PDZRN4: variants seen among roughly 807,000 people sequenced by gnomAD.
PDZRN4 encodes the protein PDZ domain-containing RING finger protein 4.
A neutral mutation model predicts 99.0 loss-of-function variants in PDZRN4; 70 were observed. The observed-to-expected ratio is 0.71, with a 90% CI of 0.58 to 0.86. PDZRN4 has a LOEUF of 0.86. Ranked by LOEUF, PDZRN4 falls within the 40% of genes least tolerant of loss-of-function variation. The pLI, the probability that PDZRN4 is intolerant of heterozygous loss-of-function variation, is 0.00. For synonymous variants in PDZRN4, 551 were observed against 501.6 expected, an observed-to-expected ratio of 1.10 and a Z score of -1.32; for missense variants, 1,474 against 1,331.2, an observed-to-expected ratio of 1.11 and a Z score of -1.67.
At chr12:41,383,145 A>G (rs891614273) in intron 3 of PDZRN4, among the ~76,000 whole-genome samples, 6 of 152,178 alleles carry the variant, frequency 3.9e-5, no homozygotes, top group African/African-American at 1.2e-4. Flanking sequence ...AGGCCAGTGA[A>G]ATAGGACCTT....
chr12:41,279,313 T>C (rs1951368902), intron 3 of PDZRN4, among the ~76,000 whole-genome samples: 1 of 152,198 alleles, frequency 6.6e-6, no homozygotes, highest in Non-Finnish European at 1.5e-5. Context: ...GAAAATAAAA[T>C]TGTCAAAATA....
intron 3 of PDZRN4, among the ~76,000 whole-genome samples, chr12:41,435,541 C>T (rs1476815989): frequency 6.6e-6 from 1 of 152,206 alleles, no homozygotes; most frequent in Admixed American, 6.5e-5. Context: ...GTAATCCCAG[C>T]ACCTTGGGAG....
At position 41,200,239 on chromosome 12, in the gene PDZRN4, G is replaced by T. The variant is rs568575164; in HGVS notation, c.843+6051G>T. On this transcript the variant is annotated intron_variant, in intron 3 of 9. Transcript: ENST00000402685. ...TAAACTGGATTTTGGCCCTGACTTT[G>T]TGTCACATTGTCACTCAAAGATTTC... 4.6e-5 allele frequency among the ~76,000 whole-genome samples: 7 copies of T among 152,226 alleles called. No individual in the cohort carries two copies. In the East Asian group the frequency reaches 1.4e-3, roughly 29 times the overall value.
chr12:41,406,858 CAAAAAAA>C (rs758320141), intron 3 of PDZRN4, among the ~76,000 whole-genome samples: 3 of 46,924 alleles, frequency 6.4e-5, no homozygotes, highest in African/African-American at 1.3e-4. Flanking sequence ...AACTCCGTCT[CAAAAAAA>C]AAAAAAAAAA....
At chr12:41,298,603 T>C (rs1951510823) in intron 3 of PDZRN4, among the ~76,000 whole-genome samples, 1 of 152,140 alleles carries the variant, frequency 6.6e-6, no homozygotes, top group South Asian at 2.1e-4. Flanking sequence ...AAAAGCTGTC[T>C]AATGGAGCTA....
chr12:41,260,038 A>C (rs1325268532), intron 3 of PDZRN4, among the ~76,000 whole-genome samples: 1 of 152,164 alleles, frequency 6.6e-6, no homozygotes, highest in African/African-American at 2.4e-5. Context: ...ATCTGGAAGC[A>C]ATCTTTGGAA....
At chr12:41,520,681 C>G (rs1296069508) in intron 5 of PDZRN4, among the ~76,000 whole-genome samples, 2 of 150,944 alleles carry the variant, frequency 1.3e-5, no homozygotes, top group Non-Finnish European at 1.5e-5. Flanking sequence ...AACTCAGCCG[C>G]ATTATTGGCT....
intron 7 of PDZRN4, among the ~76,000 whole-genome samples, chr12:41,563,252 C>T (rs1295059596): frequency 1.3e-5 from 2 of 152,148 alleles, no homozygotes; most frequent in Admixed American, 6.5e-5. Flanking sequence ...GAAAGATGAA[C>T]GTCACCTGTC....
At chr12:41,260,613 C>T (rs1951231129) in intron 3 of PDZRN4, among the ~76,000 whole-genome samples, 1 of 151,930 alleles carries the variant, frequency 6.6e-6, no homozygotes, top group African/African-American at 2.4e-5. Context: ...ATATTATTTG[C>T]TACATTTTCA....
At chr12:41,464,551 T>C (rs1952906977) in intron 3 of PDZRN4, among the ~76,000 whole-genome samples, 2 of 152,214 alleles carry the variant, frequency 1.3e-5, no homozygotes, top group Non-Finnish European at 1.5e-5. Flanking sequence ...TTTCTTATTC[T>C]TTTTGGCATA....
chr12:41,365,864 GC>G (rs1334176277), intron 3 of PDZRN4, among the ~76,000 whole-genome samples: 1 of 152,128 alleles, frequency 6.6e-6, no homozygotes, highest in Non-Finnish European at 1.5e-5. Flanking sequence ...TGACCAGCTT[GC>G]TAGACCCTGA....
chr12:41,513,659 G>A (rs887281177), intron 5 of PDZRN4, among the ~76,000 whole-genome samples: 2 of 151,908 alleles, frequency 1.3e-5, no homozygotes, highest in East Asian at 1.9e-4. Context: ...GCCAGCTAAA[G>A]GTTGAAATAA....
intron 5 of PDZRN4, among the ~76,000 whole-genome samples, chr12:41,546,344 A>G (rs1205777214): frequency 6.6e-6 from 1 of 152,224 alleles, no homozygotes; most frequent in Non-Finnish European, 1.5e-5. Flanking sequence ...TTGTCCCAAG[A>G]AAGGCAGGAT....
intron 3 of PDZRN4, among the ~76,000 whole-genome samples, chr12:41,266,555 C>T (rs1028462669): frequency 3.9e-5 from 6 of 152,100 alleles, no homozygotes; most frequent in Non-Finnish European, 8.8e-5. Flanking sequence ...GTCAGGAACT[C>T]ACCTTAGGAA....
chr12:41,318,971 T>C (rs1192515640), intron 3 of PDZRN4, among the ~76,000 whole-genome samples: 1 of 152,134 alleles, frequency 6.6e-6, no homozygotes. Context: ...CTGGAAGAAA[T>C]AAGTAACTTC....
At chr12:41,241,506 T>G (rs1194627071) in intron 3 of PDZRN4, among the ~76,000 whole-genome samples, 1 of 148,252 alleles carries the variant, frequency 6.7e-6, no homozygotes, top group Admixed American at 6.6e-5. Flanking sequence ...TTCTACCACA[T>G]ACTGGCCCAG....
At chr12:41,459,342 G>A (rs1952848499) in intron 3 of PDZRN4, among the ~76,000 whole-genome samples, 1 of 152,130 alleles carries the variant, frequency 6.6e-6, no homozygotes, top group Non-Finnish European at 1.5e-5. Context: ...TTTAAAATGT[G>A]TTTTCATGTG....
chr12:41,505,550 G>A (rs1222792707), intron 3 of PDZRN4, among the ~76,000 whole-genome samples: 2 of 152,102 alleles, frequency 1.3e-5, no homozygotes, highest in Non-Finnish European at 2.9e-5. Flanking sequence ...GAACCACAGA[G>A]GTTGGGAAAC....
At chr12:41,444,379 T>C (rs1427100480) in intron 3 of PDZRN4, among the ~76,000 whole-genome samples, 1 of 152,098 alleles carries the variant, frequency 6.6e-6, no homozygotes, top group Non-Finnish European at 1.5e-5. Context: ...AATTTGAGCT[T>C]AAGAGCTCCC....
Sources: allele counts gnomAD v4.1 joint callset (sites outside exome capture counted in the v4.1 genomes callset), GRCh38; gene constraint gnomAD v4.1.1; transcripts MANE v1.5; gene names NCBI Gene and HGNC (gene_info 2026-07-23, HGNC 2026-07-21).